MSL1: variants seen among roughly 807,000 people sequenced by gnomAD.
The protein encoded by MSL1 is MSL complex subunit 1.
In MSL1, 21 loss-of-function variants were observed where a neutral mutation model predicts 64.6. That is an observed-to-expected ratio of 0.33 (90% CI 0.23 to 0.47). The LOEUF (loss-of-function observed/expected upper bound fraction) is 0.47, where lower values mean the gene tolerates loss of function less well. Ranked by LOEUF, MSL1 falls within the 20% of genes least tolerant of loss-of-function variation. The pLI, the probability that MSL1 is intolerant of heterozygous loss-of-function variation, is 1.00. For synonymous variants in MSL1, 339 were observed against 329.6 expected, an observed-to-expected ratio of 1.03 and a Z score of -0.31; for missense variants, 664 against 793.2, an observed-to-expected ratio of 0.84 and a Z score of 1.96.
chr17:40,127,513 C>T (rs1988347409), intron 2 of MSL1, among the ~76,000 whole-genome samples: 1 of 152,198 alleles, frequency 6.6e-6, no homozygotes, highest in African/African-American at 2.4e-5. Context: ...TAGGGTCTCT[C>T]TCTGTCACCC....
intron 2 of MSL1, among the ~76,000 whole-genome samples, chr17:40,127,133 G>A (rs1165569892): frequency 6.6e-6 from 1 of 152,042 alleles, no homozygotes; most frequent in African/African-American, 2.4e-5. Flanking sequence ...ATGGAAAGTG[G>A]GGAAGGAGGG....
chr17:40,123,025 A>T lies in MSL1; in HGVS notation c.413A>T (p.Gln138Leu). 1 of 1,532,266 alleles carries T rather than the reference A, an allele frequency of 6.5e-7. No individual in the cohort carries two copies. 94.9% of individuals were successfully genotyped at this position (1,532,266 alleles called of 1,614,324 possible). A position where few individuals can be genotyped will look rare whatever the true frequency, so the allele number is the denominator to read the frequency against. Residue 138 changes from glutamine to leucine, a missense_variant, in exon 1 of 9, where the codon CAG becomes CTG. Coordinates refer to ENST00000398532, the MANE Select transcript of MSL1 (RefSeq NM_001365919.1). ...AAGTATCAGGCGGTGCTGCCCATTC[A>T]GACGGGCTCTCTCGTGGCGGCGGCC... ...RPKYQAVLPIQTGSLVAAAKE... is the reference protein window; with the variant it reads ...RPKYQAVLPILTGSLVAAAKE...
At chr17:40,125,757 G>A (rs1169117059) in intron 1 of MSL1, among the ~76,000 whole-genome samples, 1 of 152,064 alleles carries the variant, frequency 6.6e-6, no homozygotes, top group Non-Finnish European at 1.5e-5. Flanking sequence ...ATCCAGCCTG[G>A]GCAACAAGAG....
In MSL1 at chr17:40,131,681, AG is replaced by A; in HGVS notation, c.1423+98del. The A allele has an allele frequency of 1.9e-6, 2 of 1,076,338 alleles. No individual in the cohort carries two copies. The highest frequency in any genetic ancestry group is 2.9e-6 in the Non-Finnish European group (2 of 692,094). 66.7% of individuals were successfully genotyped at this position (1,076,338 alleles called of 1,614,324 possible). ...GCATTCCCCATCCACTGGATGTGGG[AG>A]ACTGAGATTTCTTGGTGTATGATTG... is the stretch of plus-strand genomic sequence containing the variant. On this transcript the variant is annotated intron_variant, in intron 4 of 8. Coordinates refer to ENST00000398532, the MANE Select transcript of MSL1 (RefSeq NM_001365919.1). This position sits in a 1 kb window ranked among gnomAD's most constrained non-coding sequence, Gnocchi z 4.5.
At chr17:40,126,105 G>C in intron 1 of MSL1, 78 bp from the exon 2 acceptor site, 5 of 1,298,816 alleles carry the variant, frequency 3.8e-6, no homozygotes, top group Admixed American at 1.9e-5. Flanking sequence ...AGACTATACT[G>C]ATTCCTAAAT....
chr17:40,123,034 C>G lies in MSL1; in HGVS notation c.422C>G (p.Ser141Cys), dbSNP rs1988224722. 1 of 1,532,408 alleles carries G rather than the reference C, an allele frequency of 6.5e-7. No homozygotes were observed. The highest frequency in any genetic ancestry group is 1.2e-5 in the South Asian group (1 of 83,952). The allele number at this position is 1,532,408 out of a possible 1,614,324, so 94.9% of individuals were successfully genotyped here. A position where few individuals can be genotyped will look rare whatever the true frequency, so the allele number is the denominator to read the frequency against. Reference protein sequence around the residue: ...YQAVLPIQTGSLVAAAKEPTP... With the variant: ...YQAVLPIQTGCLVAAAKEPTP... The stretch of plus-strand genomic sequence containing the variant: ...GCGGTGCTGCCCATTCAGACGGGCT[C>G]TCTCGTGGCGGCGGCCAAAGAGCCT... Residue 141 changes from serine (S) to cysteine (C), a missense_variant, in exon 1 of 9, where the codon TCT becomes TGT. Physicochemically the swap from Ser to Cys is moderately radical, Grantham distance 112. Around this residue, in one of 4 missense-constraint regions of MSL1, gnomAD observed 466 missense variants for 499.0 expected, o/e 0.93. Coordinates refer to ENST00000398532, the MANE Select transcript of MSL1 (RefSeq NM_001365919.1).
At position 40,133,678 on chromosome 17, in the gene MSL1, AAG is replaced by A. The variant is rs752980674; in HGVS notation, c.1681+23_1681+24del. ...ATGATGGTAAGTTGTGTCCATCTAA[AAG>A]AGTAGGTTTTTGAAAGAAGGAGGAG... is the stretch of plus-strand genomic sequence containing the variant. On this transcript the variant is annotated intron_variant, in intron 7 of 8. Coordinates refer to ENST00000398532, the MANE Select transcript of MSL1 (RefSeq NM_001365919.1). The A allele has an allele frequency of 2.5e-6, 4 of 1,612,290 alleles. No homozygotes were observed. In the South Asian group the frequency reaches 4.4e-5, roughly 18 times the overall value.
rs1386545719 is a variant in MSL1 at position 40,129,230 on chromosome 17, T to C, written c.993-15T>C. 1.3e-6 allele frequency: 2 copies of C among 1,512,518 alleles called. No homozygotes were observed. Among genetic ancestry groups the C allele is most frequent in the Non-Finnish European group, 1.8e-6 (2 of 1,129,936 alleles). 93.7% of individuals were successfully genotyped at this position (1,512,518 alleles called of 1,614,324 possible). On this transcript the variant is annotated splice_polypyrimidine_tract_variant and intron_variant, in intron 2 of 8. Coordinates refer to ENST00000398532, the MANE Select transcript of MSL1 (RefSeq NM_001365919.1). ...TGTCAATAAATTTTATAATGTTTTC[T>C]TCCCTATCTAATAGGAAATCCCCAT...
Position 40,129,581 on chromosome 17 carries a change from G to A in MSL1, c.1329G>A (p.Pro443=), listed in dbSNP as rs141878833. 1.7e-5 allele frequency: 28 copies of A among 1,612,492 alleles called. 1 individual carries two copies. In the East Asian group the frequency reaches 4.2e-4, roughly 24 times the overall value. ...GTTGGCACCAGCCTCCCCCATCACC[G>A]TTACCATTACGGGAATCCTCTCCAA... The part of the protein sequence containing the change: ...LCRWHQPPPS[P]LPLRESSPKK... The change falls in exon 3 of 9, where the codon CCG becomes CCA. Residue 443 remains proline, a synonymous_variant. Transcript: ENST00000398532.
chr17:40,127,655 GT>G (rs1047900098), intron 2 of MSL1, among the ~76,000 whole-genome samples: 1 of 152,080 alleles, frequency 6.6e-6, no homozygotes, highest in African/African-American at 2.4e-5. Flanking sequence ...ACTTTTTTTA[GT>G]TTTTGTAGAG....
In MSL1 at chr17:40,131,550, A is replaced by G; in HGVS notation, c.1389A>G (p.Pro463=). 6.2e-7 allele frequency: 1 copy of G among 1,613,728 alleles called. No individual in the cohort carries two copies. Among genetic ancestry groups the G allele is most frequent in the East Asian group, 2.2e-5 (1 of 44,902 alleles). ...KEETVARCLM[P]SSVAGETSVL... ...TGCATTATTTAGGGTGTCTGATGCC[A>G]TCAAGTGTTGCAGGAGAAACTTCAG... Residue 463 remains proline, a synonymous_variant, in exon 4 of 9, where the codon CCA becomes CCG. Transcript: ENST00000398532. This position sits in a 1 kb window ranked among gnomAD's most constrained non-coding sequence, Gnocchi z 4.5.
intron 1 of MSL1, among the ~76,000 whole-genome samples, chr17:40,125,722 G>A (rs1988298665): frequency 6.6e-6 from 1 of 152,172 alleles, no homozygotes; most frequent in Non-Finnish European, 1.5e-5. Flanking sequence ...AGGCAGGGAG[G>A]CGGAGGTTGC....
chr17:40,136,598 A>G lies in MSL1; in HGVS notation c.*2229A>G, dbSNP rs1481989617. 1.3e-5 allele frequency: 2 copies of G among 152,290 alleles called. No individual in the cohort carries two copies. The highest frequency in any genetic ancestry group is 2.9e-5 in the Non-Finnish European group (2 of 68,026). 9.4% of individuals were successfully genotyped at this position (152,290 alleles called of 1,614,324 possible). A position where few individuals can be genotyped will look rare whatever the true frequency, so the allele number is the denominator to read the frequency against. On this transcript the variant is annotated 3_prime_UTR_variant, in exon 9 of 9. Coordinates refer to ENST00000398532, the MANE Select transcript of MSL1 (RefSeq NM_001365919.1). The stretch of plus-strand genomic sequence containing the variant: ...CATAGTTGTTTGTTTTTCTTTAACA[A>G]AGTTTAAGCTAGTGTTAATAAATTA...
At chr17:40,126,091 C>A in intron 1 of MSL1, 92 bp from the exon 2 acceptor site, 1 of 1,101,830 alleles carries the variant, frequency 9.1e-7, no homozygotes, top group Non-Finnish European at 1.3e-6. Flanking sequence ...TAGAAAGAGG[C>A]AGAAGACTAT....
chr17:40,132,046 G>T lies in MSL1; in HGVS notation c.1436G>T (p.Arg479Met). 6.3e-7 allele frequency: 1 copy of T among 1,597,588 alleles called. No individual in the cohort carries two copies. The highest frequency in any genetic ancestry group is 2.2e-5 in the East Asian group (1 of 44,604). The change falls in exon 5 of 9, where the codon AGG becomes ATG. Residue 479 changes from arginine (R) to methionine (M), a missense_variant. Physicochemically the swap from Arg to Met is moderately conservative, Grantham distance 91. Coordinates refer to ENST00000398532, the MANE Select transcript of MSL1 (RefSeq NM_001365919.1). ...TCTTTTTTTTCAGTTCCTTCTTGGAGGGACCACTCAGTAGAGCCTCTAAGG... is the reference window on the plus strand; with the variant it reads ...TCTTTTTTTTCAGTTCCTTCTTGGATGGACCACTCAGTAGAGCCTCTAAGG... ...ETSVLAVPSW[R>M]DHSVEPLRDP...
Position 40,123,151 on chromosome 17 carries a change from C to T in MSL1, c.539C>T (p.Pro180Leu). 2 of 1,533,692 alleles carry T rather than the reference C, an allele frequency of 1.3e-6. No homozygotes were observed. Among genetic ancestry groups the T allele is most frequent in the South Asian group, 1.2e-5 (1 of 83,934 alleles). ...CCCCCACCACTACCTCTGCCCGGGC[C>T]GCCACCCCTCGCGCCCACCGCCACC... ...AGPPPLPLPG[P>L]PPLAPTATAG... The change falls in exon 1 of 9, where the codon CCG (proline) becomes CTG (leucine). Residue 180 changes from proline to leucine, a missense_variant. Pro to Leu is a moderately conservative substitution (Grantham distance 98). Transcript: ENST00000398532.
chr17:40,133,670 C>G lies in MSL1; in HGVS notation c.1681+12C>G, dbSNP rs755762144. 1.9e-6 allele frequency: 3 copies of G among 1,613,002 alleles called. No homozygotes were observed. Among genetic ancestry groups the G allele is most frequent in the Non-Finnish European group, 2.5e-6 (3 of 1,179,562 alleles). On this transcript the variant is annotated intron_variant, in intron 7 of 8. Coordinates refer to ENST00000398532, the MANE Select transcript of MSL1 (RefSeq NM_001365919.1). ...TGAGCCAGATGATGGTAAGTTGTGT[C>G]CATCTAAAAGAGTAGGTTTTTGAAA... is the stretch of plus-strand genomic sequence containing the variant.
At position 40,134,620 on chromosome 17, in the gene MSL1, T is replaced by C. The variant is rs1988505782; in HGVS notation, c.*251T>C. The C allele has an allele frequency of 2.1e-6, 1 of 477,094 alleles. No homozygotes were observed. The allele number at this position is 477,094 out of a possible 1,614,324, so 29.6% of individuals were successfully genotyped here. On this transcript the variant is annotated 3_prime_UTR_variant, in exon 9 of 9. Coordinates refer to ENST00000398532, the MANE Select transcript of MSL1 (RefSeq NM_001365919.1). ...GAAATGGGCTCTCAAGCTAAAGCTATAGGATGGCAGATTCAGAAGTTTCAG... is the reference window on the plus strand; with the variant it reads ...GAAATGGGCTCTCAAGCTAAAGCTACAGGATGGCAGATTCAGAAGTTTCAG...
intron 1 of MSL1, among the ~76,000 whole-genome samples, chr17:40,125,591 C>T (rs111424690): frequency 0.08 from 12,120 of 152,012 alleles, 1,136 homozygotes; most frequent in African/African-American, 0.22. Flanking sequence ...CGCAGGTGGA[C>T]CACGAGGTCA....
Sources: allele counts gnomAD v4.1 joint callset (sites outside exome capture counted in the v4.1 genomes callset), GRCh38; gene constraint gnomAD v4.1.1; regional missense constraint gnomAD v4.1.1; non-coding constraint Gnocchi (gnomAD v3.1); transcripts MANE v1.5; gene names NCBI Gene and HGNC (gene_info 2026-07-23, HGNC 2026-07-21).